Variants in CIRSR observed in about 807,000 individuals in gnomAD.
The protein encoded by CIRSR is CBF1 (RBPJ) interacting corepressor 1.
the CIRSR span, among the ~76,000 whole-genome samples, chr2:174,355,562 A>G: frequency 1.3e-5 from 2 of 152,292 alleles, no homozygotes; most frequent in Admixed American, 1.3e-4. Context: ...CAAAATACCA[A>G]TTGTGTACAG....
At chr2:174,376,714 C>T in the CIRSR span, among the ~76,000 whole-genome samples, 1 of 148,232 alleles carries the variant, frequency 6.7e-6, no homozygotes, top group Non-Finnish European at 1.5e-5. Flanking sequence ...AGGAGAACGG[C>T]ATGAACCTGG....
the CIRSR span, among the ~76,000 whole-genome samples, chr2:174,386,084 ACT>A: frequency 3.9e-5 from 6 of 152,140 alleles, no homozygotes; most frequent in East Asian, 1.9e-4. Flanking sequence ...TTTCACCTCC[ACT>A]CTGTTTTTAT....
chr2:174,353,723 C>T, the CIRSR span, among the ~76,000 whole-genome samples: 1 of 152,152 alleles, frequency 6.6e-6, no homozygotes, highest in African/African-American at 2.4e-5. Context: ...GCCTCAGCCT[C>T]CTAAAGTGCT....
the CIRSR span, chr2:174,381,671 G>T: frequency 6.7e-7 from 1 of 1,487,682 alleles, no homozygotes; most frequent in Non-Finnish European, 9.1e-7. Flanking sequence ...AAAAAAAAAA[G>T]AAAGAAAAAA....
the CIRSR span, among the ~76,000 whole-genome samples, chr2:174,383,894 T>C: frequency 8.0e-5 from 12 of 149,082 alleles, no homozygotes; most frequent in Admixed American, 2.7e-4. Flanking sequence ...AGAGAGGATA[T>C]GGAGAAACTG....
chr2:174,392,420 T>G, the CIRSR span, among the ~76,000 whole-genome samples: 2 of 152,242 alleles, frequency 1.3e-5, no homozygotes, highest in Non-Finnish European at 2.9e-5. Context: ...GTATGATATG[T>G]AAATTTATCT....
At chr2:174,349,179 T>C in the CIRSR span, 8 of 1,354,286 alleles carry the variant, frequency 5.9e-6, no homozygotes, top group Non-Finnish European at 6.9e-6. Context: ...TTTCCTGTAA[T>C]TGGGAAATAA....
chr2:174,380,697 C>T, the CIRSR span: 10 of 1,612,620 alleles, frequency 6.2e-6, no homozygotes, highest in Admixed American at 1.7e-5. Flanking sequence ...TATTCGGTCT[C>T]TCCTTCTGTT....
At chr2:174,365,792 A>T in the CIRSR span, among the ~76,000 whole-genome samples, 1 of 152,122 alleles carries the variant, frequency 6.6e-6, no homozygotes, top group East Asian at 1.9e-4. Context: ...ACACGTGGGG[A>T]TTTAAGATGA....
chr2:174,381,646 G>T, the CIRSR span: 1 of 1,352,912 alleles, frequency 7.4e-7, no homozygotes, highest in South Asian at 1.3e-5. Flanking sequence ...GACAGGGCAA[G>T]ACTGTGCCTC....
chr2:174,371,131 G>C, the CIRSR span, among the ~76,000 whole-genome samples: 1 of 152,162 alleles, frequency 6.6e-6, no homozygotes, highest in African/African-American at 2.4e-5. Context: ...TGAGGCTGGG[G>C]ACTAGAGGGT....
the CIRSR span, chr2:174,380,749 T>A: frequency 1.9e-6 from 3 of 1,608,458 alleles, no homozygotes; most frequent in African/African-American, 4.0e-5. Context: ...TTTTAATTTT[T>A]CCATATAATA....
At chr2:174,356,739 C>T in the CIRSR span, among the ~76,000 whole-genome samples, 1 of 152,140 alleles carries the variant, frequency 6.6e-6, no homozygotes, top group African/African-American at 2.4e-5. Flanking sequence ...AACTAAATTG[C>T]TACCCTAAAG....
the CIRSR span, among the ~76,000 whole-genome samples, chr2:174,371,207 A>G: frequency 4.6e-5 from 7 of 152,350 alleles, no homozygotes; most frequent in East Asian, 3.9e-4. Flanking sequence ...TGATGGATGT[A>G]TAACTCTGTG....
chr2:174,389,255 A>G, the CIRSR span, among the ~76,000 whole-genome samples: 5 of 152,214 alleles, frequency 3.3e-5, no homozygotes, highest in Admixed American at 6.5e-5. Flanking sequence ...GATGTGGGAA[A>G]GTATGGAACT....
chr2:174,354,310 A>C, the CIRSR span, among the ~76,000 whole-genome samples: 1 of 143,226 alleles, frequency 7.0e-6, no homozygotes, highest in East Asian at 2.0e-4. Flanking sequence ...TATTTTTACC[A>C]GTACCTATTC....
chr2:174,354,608 AT>A, the CIRSR span, among the ~76,000 whole-genome samples: 212 of 14,306 alleles, frequency 0.015, 3 homozygotes, highest in South Asian at 0.046. Flanking sequence ...TATATATTAT[AT>A]TATATATTTT....
the CIRSR span, among the ~76,000 whole-genome samples, chr2:174,377,155 T>G: frequency 6.6e-5 from 10 of 152,222 alleles, no homozygotes; most frequent in East Asian, 1.7e-3. Flanking sequence ...CACTATAAAG[T>G]TCGAGTGAAA....
the CIRSR span, among the ~76,000 whole-genome samples, chr2:174,377,290 T>C: frequency 6.6e-6 from 1 of 152,158 alleles, no homozygotes; most frequent in Non-Finnish European, 1.5e-5. Context: ...CACACACCAC[T>C]CCATTTTCTT....
Sources: allele counts gnomAD v4.1 joint callset (sites outside exome capture counted in the v4.1 genomes callset), GRCh38; gene constraint gnomAD v4.1.1; transcripts MANE v1.5; gene names NCBI Gene and HGNC (gene_info 2026-07-23, HGNC 2026-07-21).